UBASH3A: variants seen among roughly 807,000 people sequenced by gnomAD.
The protein encoded by UBASH3A is ubiquitin-associated and SH3 domain-containing protein A.
In UBASH3A, 63 loss-of-function variants were observed where a neutral mutation model predicts 73.5. That is an observed-to-expected ratio of 0.86 (90% confidence interval 0.70 to 1.06). The LOEUF (loss-of-function observed/expected upper bound fraction) is 1.06. Among genes scored for constraint, UBASH3A ranks in the 50% least tolerant of loss-of-function variants. The pLI, the probability that UBASH3A is intolerant of heterozygous loss-of-function variation, is 0.00. For synonymous variants in UBASH3A, 363 were observed against 351.1 expected (o/e 1.03, Z -0.38); for missense variants, 860 against 859.0 (o/e 1.00, Z -0.02).
chr21:42,434,638 GT>G, intron 9 of UBASH3A, among the ~76,000 whole-genome samples, 193 bp from the exon 10 acceptor site: 2 of 152,338 alleles, frequency 1.3e-5, no homozygotes, highest in Admixed American at 1.3e-4. Context: ...TTGAGAAAAT[GT>G]TGTGTGCACA....
intron 2 of UBASH3A, among the ~76,000 whole-genome samples, chr21:42,408,146 G>A (rs1263351058): frequency 1.3e-5 from 2 of 152,248 alleles, no homozygotes; most frequent in African/African-American, 4.8e-5. Flanking sequence ...GAACCACGAT[G>A]GAGAGGAGTG....
At chr21:42,408,114 A>C (rs1176578356) in intron 2 of UBASH3A, among the ~76,000 whole-genome samples, 2 of 152,176 alleles carry the variant, frequency 1.3e-5, no homozygotes, top group Non-Finnish European at 2.9e-5. Context: ...CTCTGGGTGA[A>C]CCCTGGAAAG....
At chr21:42,407,746 T>C (rs1307738420) in intron 2 of UBASH3A, among the ~76,000 whole-genome samples, 1 of 152,228 alleles carries the variant, frequency 6.6e-6, no homozygotes, top group Non-Finnish European at 1.5e-5. Flanking sequence ...GCCTCCGTCG[T>C]GCGTCTAAGC....
At chr21:42,428,055 G>C (rs2053469671) in intron 8 of UBASH3A, among the ~76,000 whole-genome samples, 1 of 152,174 alleles carries the variant, frequency 6.6e-6, no homozygotes, top group Non-Finnish European at 1.5e-5. Flanking sequence ...CTTATAAGAA[G>C]AGGGGATGAG....
At position 42,413,042 on chromosome 21, in the gene UBASH3A, G is replaced by A. The variant is rs775700724; in HGVS notation, c.373G>A (p.Glu125Lys). Residue 125 changes from glutamate (E) to lysine (K), a missense_variant, in exon 4 of 15, where the codon GAA (glutamate) becomes AAA (lysine). Physicochemically the swap from Glu to Lys is moderately conservative, Grantham distance 56. Coordinates refer to ENST00000319294, the MANE Select transcript of UBASH3A (RefSeq NM_018961.4). This position sits in a 1 kb window ranked among gnomAD's most constrained non-coding sequence, Gnocchi z 4.5. Reference protein sequence around the residue: ...DFFTCEDQKVECLYEALKRAG... With the variant: ...DFFTCEDQKVKCLYEALKRAG... ...CCCTTAGTGTGAAGACCAGAAGGTG[G>A]AATGCCTGTACGAGGCGCTGAAGAG... The A allele has an allele frequency of 7.4e-6, 12 of 1,614,132 alleles. No individual in the cohort carries two copies. The South Asian group carries it at 1.1e-4, about 15-fold the overall frequency.
At chr21:42,427,706 G>A (rs530391513) in intron 8 of UBASH3A, among the ~76,000 whole-genome samples, 1 of 152,154 alleles carries the variant, frequency 6.6e-6, no homozygotes, top group Admixed American at 6.5e-5. Context: ...TGCCCACCAC[G>A]GCCAGGCCCC....
intron 5 of UBASH3A, among the ~76,000 whole-genome samples, chr21:42,415,662 G>T (rs9974077): frequency 0.32 from 48,910 of 152,100 alleles, 8,424 homozygotes; most frequent in African/African-American, 0.43. Flanking sequence ...GCGAGCAGGC[G>T]CTGCCGTCCT....
In UBASH3A at chr21:42,437,493, G is replaced by T; in HGVS notation, c.1399G>T (p.Ala467Ser). ...GIFQSRIAGD[A>S]LLDSGIRISS... ...CCTTTTTCACTATTTTCCAGGGGAC[G>T]CGCTACTGGACAGTGGTATCAGAAT... is the stretch of plus-strand genomic sequence containing the variant. Residue 467 changes from alanine (A) to serine (S), a missense_variant, in exon 11 of 15, where the codon GCG becomes TCG. By Grantham distance (99) the Ala-to-Ser change is moderately conservative. Transcript: ENST00000319294. The T allele has an allele frequency of 6.2e-7, 1 of 1,614,120 alleles. No individual in the cohort carries two copies. Among genetic ancestry groups the T allele is most frequent in the Non-Finnish European group, 8.5e-7 (1 of 1,179,938 alleles).
chr21:42,413,513 C>T lies in UBASH3A; in HGVS notation c.657C>T (p.Ile219=). ...GAGCCTCCTTCGTGAGCCACTACAT[C>T]CTTCAAAAATGTAAGCCATTAGAAA... ...LTRASFVSHY[I]LQKYCSVKPC... is the part of the protein sequence containing the mutation. The change falls in exon 5 of 15, where the codon ATC becomes ATT. Residue 219 remains isoleucine (I), a synonymous_variant. Transcript: ENST00000319294. The surrounding 1 kb of genome is among the most constrained non-coding windows in gnomAD (Gnocchi z 4.5). The T allele has an allele frequency of 6.2e-7, 1 of 1,612,818 alleles. No individual in the cohort carries two copies. Among genetic ancestry groups the T allele is most frequent in the Non-Finnish European group, 8.5e-7 (1 of 1,178,938 alleles).
chr21:42,409,610 T>C lies in UBASH3A; in HGVS notation c.354+2T>C, dbSNP rs767067305. The C allele has an allele frequency of 1.9e-6, 3 of 1,609,978 alleles. No individual in the cohort carries two copies. The highest frequency in any genetic ancestry group is 8.5e-7 in the Non-Finnish European group (1 of 1,177,934). ...GTGACACTCTGTGACTTCTTCACGG[T>C]GAGTCAACCCAGTGTGCCTTCAATG... is the stretch of plus-strand genomic sequence containing the variant. On this transcript the variant is annotated splice_donor_variant, in intron 3 of 14. Coordinates refer to ENST00000319294, the MANE Select transcript of UBASH3A (RefSeq NM_018961.4). LOFTEE classifies it high-confidence loss of function.
intron 8 of UBASH3A, among the ~76,000 whole-genome samples, chr21:42,430,207 G>A (rs910709320): frequency 5.3e-5 from 8 of 152,208 alleles, no homozygotes; most frequent in African/African-American, 1.9e-4. Flanking sequence ...TTGCCAGAGC[G>A]AGTGGCCAGT....
chr21:42,429,114 G>T (rs1486994852), intron 8 of UBASH3A, among the ~76,000 whole-genome samples: 1 of 152,192 alleles, frequency 6.6e-6, no homozygotes, highest in East Asian at 1.9e-4. Flanking sequence ...AGCCAGAGAG[G>T]CAGAGACTGG....
rs558327218 is a variant in UBASH3A at position 42,411,175 on chromosome 21, CATAG to C, written c.354+1571_354+1574del. 5.5e-4 allele frequency among the ~76,000 whole-genome samples: 84 copies of C among 151,710 alleles called. 1 individual carries two copies. Among genetic ancestry groups the C allele is most frequent in the South Asian group, 1.5e-3 (7 of 4,798 alleles). ...ACACACATACCTGCATACAGACATA[CATAG>C]ATATAGACACACAGACACACACATA... On this transcript the variant is annotated intron_variant, in intron 3 of 14. Coordinates refer to ENST00000319294, the MANE Select transcript of UBASH3A (RefSeq NM_018961.4).
chr21:42,443,846 G>T (rs1310309615), intron 13 of UBASH3A, among the ~76,000 whole-genome samples: 1 of 151,600 alleles, frequency 6.6e-6, no homozygotes, highest in Non-Finnish European at 1.5e-5. Context: ...CCCCCATCCT[G>T]GGACTGAATG....
intron 12 of UBASH3A, 115 bp from the exon 13 acceptor site, chr21:42,443,197 C>T: frequency 7.0e-7 from 1 of 1,426,854 alleles, no homozygotes; most frequent in Non-Finnish European, 9.2e-7. Context: ...CATGAGCCTG[C>T]CTTGAGGCAG....
chr21:42,429,973 G>C (rs747312637), intron 8 of UBASH3A, among the ~76,000 whole-genome samples: 1 of 152,092 alleles, frequency 6.6e-6, no homozygotes, highest in Non-Finnish European at 1.5e-5. Context: ...ACCGAGAACT[G>C]TCTGGTCCTG....
intron 11 of UBASH3A, among the ~76,000 whole-genome samples, chr21:42,438,410 A>C (rs1165047670): frequency 6.6e-6 from 1 of 152,154 alleles, no homozygotes; most frequent in Non-Finnish European, 1.5e-5. Flanking sequence ...TGTCAGGCAG[A>C]GGGGCCCAGG....
chr21:42,427,248 C>T (rs773730268), intron 8 of UBASH3A, among the ~76,000 whole-genome samples: 1 of 152,220 alleles, frequency 6.6e-6, no homozygotes, highest in Non-Finnish European at 1.5e-5. Flanking sequence ...GCTGGCCACC[C>T]TCATGGGGCA....
intron 8 of UBASH3A, among the ~76,000 whole-genome samples, chr21:42,430,189 G>A (rs1476223779): frequency 6.6e-6 from 1 of 152,178 alleles, no homozygotes; most frequent in Non-Finnish European, 1.5e-5. Context: ...CACCACGGGG[G>A]ACCACTCTTG....
Sources: gnomAD v4.1 joint callset for allele counts (sites outside exome capture counted in the v4.1 genomes callset) on GRCh38, gnomAD v4.1.1 for gene constraint, Gnocchi (gnomAD v3.1) non-coding constraint, MANE v1.5 for transcripts, NCBI Gene and HGNC (gene_info 2026-07-23, HGNC 2026-07-21) for gene names.